Variants in IGSF21 observed in about 807,000 individuals in gnomAD.
IGSF21 encodes immunoglobin superfamily member 21, also known as immunoglobulin superfamily member 21.
IGSF21 carries 28 observed loss-of-function variants against 46.8 expected under a neutral mutation model. The ratio of observed to expected loss-of-function variants is 0.60; its 90% CI spans 0.44 to 0.82. The LOEUF (loss-of-function observed/expected upper bound fraction) is 0.82. Among genes scored for constraint, IGSF21 ranks in the 40% least tolerant of loss-of-function variants. The probability of loss-of-function intolerance (pLI) is 0.00; values close to 1 mark genes in which losing one functional copy is unlikely to be tolerated. For synonymous variants in IGSF21, 284 were observed against 273.6 expected (o/e 1.04, Z -0.38); for missense variants, 624 against 665.5 (o/e 0.94, Z 0.69).
chr1:18,371,224 C>T (rs1287106627), intron 6 of IGSF21, among the ~76,000 whole-genome samples: 2 of 152,096 alleles, frequency 1.3e-5, no homozygotes, highest in Non-Finnish European at 2.9e-5. Flanking sequence ...TACTTTTTAT[C>T]AATACAAATG....
At chr1:18,185,372 C>G (rs994929408) in intron 1 of IGSF21, among the ~76,000 whole-genome samples, 1 of 152,228 alleles carries the variant, frequency 6.6e-6, no homozygotes, top group Non-Finnish European at 1.5e-5. Context: ...GACTGATCTT[C>G]AAGTGGTTTC....
chr1:18,251,010 A>G (rs1362551437), intron 2 of IGSF21, among the ~76,000 whole-genome samples: 1 of 152,146 alleles, frequency 6.6e-6, no homozygotes, highest in Non-Finnish European at 1.5e-5. Context: ...TGAGCTCTAT[A>G]TGACAAGGAG....
intron 1 of IGSF21, among the ~76,000 whole-genome samples, chr1:18,129,976 A>G (rs958355190): frequency 5.3e-5 from 8 of 152,142 alleles, no homozygotes; most frequent in Admixed American, 5.2e-4. Flanking sequence ...ACCATGGGCC[A>G]ATACCTTTCT....
At chr1:18,264,826 C>T (rs1023572394) in intron 2 of IGSF21, among the ~76,000 whole-genome samples, 2 of 152,156 alleles carry the variant, frequency 1.3e-5, no homozygotes, top group African/African-American at 4.8e-5. Flanking sequence ...AGATGGCTCC[C>T]GTTACCTTGA....
intron 4 of IGSF21, among the ~76,000 whole-genome samples, chr1:18,341,666 T>G (rs943974765): frequency 6.6e-6 from 1 of 152,218 alleles, no homozygotes; most frequent in African/African-American, 2.4e-5. Flanking sequence ...TAATGTCACT[T>G]CCCTACATCA....
At chr1:18,361,656 A>C in intron 4 of IGSF21, 1 of 155,334 alleles carries the variant, frequency 6.4e-6, no homozygotes. Context: ...GAGGCTGGGA[A>C]TCTCAGGACT....
intron 1 of IGSF21, among the ~76,000 whole-genome samples, chr1:18,223,768 GA>G (rs1329835417): frequency 6.6e-6 from 1 of 152,162 alleles, no homozygotes; most frequent in African/African-American, 2.4e-5. Context: ...CTGAGCTGCT[GA>G]AAAAATGGGA....
Position 18,189,850 on chromosome 1 carries a change from C to T in IGSF21, c.71-38048C>T, listed in dbSNP as rs74055956. On this transcript the variant is annotated intron_variant, in intron 1 of 9. Transcript: ENST00000251296. Reference sequence around the variant, plus strand: ...TTCCTAACAGGCCATGGGCTGGTACCGGATTTGAACTTGGTTCCTCTGCCC... The same window carrying T: ...TTCCTAACAGGCCATGGGCTGGTACTGGATTTGAACTTGGTTCCTCTGCCC... Among the ~76,000 whole-genome samples, 486 of 152,218 alleles carry T rather than the reference C, an allele frequency of 3.2e-3. 5 individuals carry two copies. Among genetic ancestry groups the T allele is most frequent in the African/African-American group, 0.011 (458 of 41,494 alleles).
intron 1 of IGSF21, among the ~76,000 whole-genome samples, chr1:18,176,440 CT>C (rs1161924535): frequency 6.6e-6 from 1 of 152,190 alleles, no homozygotes. Context: ...GAGAGCAAGA[CT>C]TTTCCTCCTT....
chr1:18,321,294 C>T (rs1354420413), intron 3 of IGSF21, among the ~76,000 whole-genome samples: 1 of 152,174 alleles, frequency 6.6e-6, no homozygotes, highest in African/African-American at 2.4e-5. Context: ...GACCCCAGAG[C>T]CTCCACTCAC....
chr1:18,226,180 T>C (rs919681198), intron 1 of IGSF21, among the ~76,000 whole-genome samples: 2 of 152,208 alleles, frequency 1.3e-5, no homozygotes, highest in Non-Finnish European at 2.9e-5. Context: ...TCATGCCCCA[T>C]GGCTGGGATC....
At chr1:18,339,286 G>A (rs777378940) in intron 4 of IGSF21, among the ~76,000 whole-genome samples, 2 of 152,290 alleles carry the variant, frequency 1.3e-5, no homozygotes, top group East Asian at 1.9e-4. Context: ...CCCAGAGCAC[G>A]TACTTATACA....
intron 1 of IGSF21, chr1:18,167,049 GT>G (rs1199847145): frequency 6.5e-6 from 1 of 153,038 alleles, no homozygotes; most frequent in Non-Finnish European, 1.5e-5. Context: ...ACACACAAGT[GT>G]TTGATGGAGT....
intron 2 of IGSF21, among the ~76,000 whole-genome samples, chr1:18,248,384 T>G (rs1338641517): frequency 2.0e-5 from 3 of 152,218 alleles, no homozygotes; most frequent in Non-Finnish European, 4.4e-5. Flanking sequence ...GAGGTTGATT[T>G]CTGTGATCTG....
chr1:18,124,347 G>A (rs1438155569), intron 1 of IGSF21, among the ~76,000 whole-genome samples: 1 of 152,220 alleles, frequency 6.6e-6, no homozygotes, highest in Non-Finnish European at 1.5e-5. Flanking sequence ...CCGCTCAGGA[G>A]GTGCATGCCA....
intron 2 of IGSF21, among the ~76,000 whole-genome samples, chr1:18,236,698 G>A (rs1485234612): frequency 6.7e-6 from 1 of 149,840 alleles, no homozygotes; most frequent in African/African-American, 2.5e-5. Flanking sequence ...TGAGAAGGAG[G>A]AGGAACAGCC....
chr1:18,187,466 A>G (rs8179444), intron 1 of IGSF21, among the ~76,000 whole-genome samples: 58,515 of 152,036 alleles, frequency 0.38, 11,384 homozygotes, highest in Non-Finnish European at 0.41. Flanking sequence ...TTACATGGCG[A>G]CAGCAGCAAA....
chr1:18,373,988 G>T (rs2086254914), intron 6 of IGSF21, among the ~76,000 whole-genome samples: 1 of 152,136 alleles, frequency 6.6e-6, no homozygotes, highest in Non-Finnish European at 1.5e-5. Flanking sequence ...CCTTTAGAAA[G>T]CAGGGCAGTG....
At chr1:18,206,306 T>C (rs961279913) in intron 1 of IGSF21, among the ~76,000 whole-genome samples, 2 of 152,044 alleles carry the variant, frequency 1.3e-5, no homozygotes, top group Non-Finnish European at 2.9e-5. Context: ...CCCAGCACTT[T>C]GGGAGGCTAA....
Sources: gnomAD v4.1 joint callset for allele counts (sites outside exome capture counted in the v4.1 genomes callset) on GRCh38, gnomAD v4.1.1 for gene constraint, MANE v1.5 for transcripts, NCBI Gene and HGNC (gene_info 2026-07-23, HGNC 2026-07-21) for gene names.